AKNA: variants seen among roughly 807,000 people sequenced by gnomAD.
AKNA encodes microtubule organization protein AKNA.
A neutral mutation model predicts 138.8 loss-of-function variants in AKNA; 67 were observed. The observed-to-expected ratio is 0.48, with a 90% CI of 0.40 to 0.59. AKNA has a LOEUF of 0.59. Among genes scored for constraint, AKNA ranks in the 20% least tolerant of loss-of-function variants. AKNA has a pLI of 0.00. For synonymous variants in AKNA, 737 were observed against 754.4 expected (o/e 0.98, Z 0.38); for missense variants, 1,813 against 1,880.4 (o/e 0.96, Z 0.66).
chr9:114,337,446 T>A, intron 21 of AKNA, 140 bp from the exon 22 acceptor site: 1 of 857,308 alleles, frequency 1.2e-6, no homozygotes, highest in Non-Finnish European at 1.6e-6. Flanking sequence ...TTTCTTTACC[T>A]CTAAAATGGG....
At chr9:114,364,672 TC>T in intron 6 of AKNA, 53 bp from the exon 7 acceptor site, 2 of 1,571,724 alleles carry the variant, frequency 1.3e-6, no homozygotes, top group South Asian at 2.2e-5. Context: ...TCCTGTAGAC[TC>T]CCACACCCAG....
Position 114,376,833 on chromosome 9 carries a change from G to A in AKNA, c.974C>T (p.Thr325Met), listed in dbSNP as rs138302714. Residue 325 changes from threonine to methionine, a missense_variant, in exon 3 of 22, where the codon ACG (threonine) becomes ATG (methionine). Transcript: ENST00000374088. ...TCTGGGCAGCGGCCTGCCCTGCCGC[G>A]TTGGCCTGGGCTGGGGATTCAGGGG... The part of the protein sequence containing the change: ...ISPLNPQPRP[T>M]RQGRPLPRQG... 3.7e-5 allele frequency: 59 copies of A among 1,613,398 alleles called. No homozygotes were observed. The highest frequency in any genetic ancestry group is 9.3e-5 in the African/African-American group (7 of 74,932).
chr9:114,397,458 C>T (rs1834567830), upstream of AKNA, among the ~76,000 whole-genome samples: 1 of 152,222 alleles, frequency 6.6e-6, no homozygotes. Flanking sequence ...CTTTTCACTG[C>T]AGCCTGTCTC....
At position 114,343,772 on chromosome 9, in the gene AKNA, C is replaced by T. The variant is rs759542152; in HGVS notation, c.3693G>A (p.Ala1231=). The change falls in exon 19 of 22, where the codon GCG becomes GCA. Residue 1231 remains alanine (A), a synonymous_variant. Coordinates refer to ENST00000374088, the MANE Select transcript of AKNA (RefSeq NM_001317950.2). ...AGACTGTGCCATTGCCTTTTGGGAC[C>T]GCCTTAGGGGACAGAACATGGTATT... ...GHEYHVLSPK[A]VPKGNGTVSC... 18 of 1,613,956 alleles carry T rather than the reference C, an allele frequency of 1.1e-5. No individual in the cohort carries two copies. Among genetic ancestry groups the T allele is most frequent in the South Asian group, 7.7e-5 (7 of 91,092 alleles).
intron 21 of AKNA, among the ~76,000 whole-genome samples, chr9:114,338,948 A>T (rs1830163268): frequency 6.6e-6 from 1 of 152,196 alleles, no homozygotes; most frequent in Non-Finnish European, 1.5e-5. Context: ...TGATAAAATA[A>T]TCTGAACTGT....
At chr9:114,383,791 G>T (rs966660472) in intron 1 of AKNA, among the ~76,000 whole-genome samples, 5 of 152,208 alleles carry the variant, frequency 3.3e-5, no homozygotes. Context: ...AGTGCAGCCC[G>T]GGAAAGGCTG....
upstream of AKNA, among the ~76,000 whole-genome samples, chr9:114,391,591 G>A (rs1002693629): frequency 1.3e-5 from 2 of 152,188 alleles, no homozygotes; most frequent in African/African-American, 4.8e-5. Context: ...GCTCACGCCT[G>A]TAATCCCAGC....
intron 4 of AKNA, among the ~76,000 whole-genome samples, chr9:114,368,955 A>C (rs2763184): frequency 0.12 from 17,914 of 152,246 alleles, 2,345 homozygotes; most frequent in African/African-American, 0.33. Flanking sequence ...TCCTATTAAC[A>C]GTAATTTTTT....
At chr9:114,383,051 A>C (rs1051585667) in intron 1 of AKNA, 1 of 437,684 alleles carries the variant, frequency 2.3e-6, no homozygotes, top group African/African-American at 2.0e-5. Flanking sequence ...GGCGGGGAGC[A>C]AGCCTACCAG....
In AKNA at chr9:114,358,112, C is replaced by T. The variant is rs769450125; in HGVS notation, c.2548G>A (p.Ala850Thr). ...MKPPGFQASLARDGHMSGLGK... is the reference protein window; with the variant it reads ...MKPPGFQASLTRDGHMSGLGK... ...AGGCCTGACATGTGCCCGTCTCTAG[C>T]CAGGGATGCCTGGAAACCTGGTGGC... The change falls in exon 12 of 22, where the codon GCT becomes ACT. Residue 850 changes from alanine (A) to threonine (T), a missense_variant. By Grantham distance (58) the Ala-to-Thr change is moderately conservative (BLOSUM62 0). Transcript: ENST00000374088. The T allele has an allele frequency of 3.1e-6, 5 of 1,614,208 alleles. No homozygotes were observed. In the South Asian group the frequency reaches 3.3e-5, roughly 11 times the overall value.
intron 7 of AKNA, among the ~76,000 whole-genome samples, chr9:114,363,142 G>C (rs1832095713): frequency 6.6e-6 from 1 of 152,348 alleles, no homozygotes; most frequent in Admixed American, 6.5e-5. Flanking sequence ...CTGAGGCACA[G>C]GGAGGTCACT....
chr9:114,391,694 C>T (rs10817598), upstream of AKNA, among the ~76,000 whole-genome samples: 30,558 of 151,474 alleles, frequency 0.2, 3,564 homozygotes, highest in East Asian at 0.34. Flanking sequence ...ACTAAAAATA[C>T]AAAAATTAGC....
chr9:114,378,695 T>C (rs1017746166), intron 2 of AKNA, among the ~76,000 whole-genome samples: 3 of 152,128 alleles, frequency 2.0e-5, no homozygotes, highest in African/African-American at 4.8e-5. Context: ...TACCCACCCA[T>C]CTATCCCGCC....
chr9:114,337,190 AG>A lies in AKNA; in HGVS notation c.4183del (p.Leu1395Ter), dbSNP rs1830048515. The A allele has an allele frequency of 6.3e-7, 1 of 1,599,162 alleles. No individual in the cohort carries two copies. The highest frequency in any genetic ancestry group is 8.6e-7 in the Non-Finnish European group (1 of 1,168,946). On this transcript the variant is annotated frameshift_variant, in exon 22 of 22. Coordinates refer to ENST00000374088, the MANE Select transcript of AKNA (RefSeq NM_001317950.2). LOFTEE classifies it high-confidence loss of function. The stretch of plus-strand genomic sequence containing the variant: ...GCTCAGGGCCTTGTTGAGCTCCTCT[AG>A]GTCGCCCAGGTCGAGCTGGATGGAG... The part of the protein sequence containing the change: ...RHSIQLDLGD[L>X]EELNKALSRA...
chr9:114,360,335 A>C (rs2636897), intron 9 of AKNA, among the ~76,000 whole-genome samples: 87,716 of 151,926 alleles, frequency 0.58, 25,690 homozygotes, highest in African/African-American at 0.69. Flanking sequence ...ATTATTACAA[A>C]CCATTTTATA....
At chr9:114,338,189 G>A (rs932120552) in intron 21 of AKNA, among the ~76,000 whole-genome samples, 1 of 152,218 alleles carries the variant, frequency 6.6e-6, no homozygotes, top group African/African-American at 2.4e-5. Context: ...CTTTATTCCT[G>A]AGCCCCTGCT....
intron 2 of AKNA, among the ~76,000 whole-genome samples, chr9:114,379,648 A>ATT (rs1275506776): frequency 6.6e-6 from 1 of 152,216 alleles, no homozygotes; most frequent in East Asian, 1.9e-4. Flanking sequence ...TCATAATCTA[A>ATT]GTGCAATAGT....
At chr9:114,382,402 G>A (rs1833753271) in intron 1 of AKNA, among the ~76,000 whole-genome samples, 1 of 151,994 alleles carries the variant, frequency 6.6e-6, no homozygotes. Flanking sequence ...ACCAGCCTGG[G>A]CAACATGGTA....
At chr9:114,343,003 C>T (rs947704949) in intron 19 of AKNA, among the ~76,000 whole-genome samples, 2 of 152,230 alleles carry the variant, frequency 1.3e-5, no homozygotes, top group Non-Finnish European at 2.9e-5. Flanking sequence ...CCTGCTTCTA[C>T]CACTTGTAAG....
Sources: gnomAD v4.1 joint callset for allele counts (sites outside exome capture counted in the v4.1 genomes callset) on GRCh38, gnomAD v4.1.1 for gene constraint, MANE v1.5 for transcripts, NCBI Gene and HGNC (gene_info 2026-07-23, HGNC 2026-07-21) for gene names.